Variants in UNC13A observed in about 807,000 individuals in gnomAD.
UNC13A encodes unc-13 homolog A, also known as protein unc-13 homolog A.
UNC13A carries 61 observed loss-of-function variants against 219.7 expected under a neutral mutation model. The ratio of observed to expected loss-of-function variants is 0.28; its 90% CI spans 0.23 to 0.34. UNC13A has a LOEUF of 0.34. UNC13A is among the 10% of genes least tolerant of loss of function. The pLI is 1.00. For missense variants in UNC13A, 1,476 were observed against 2,270.3 expected, an observed-to-expected ratio of 0.65 and a Z score of 7.11; for synonymous variants, 920 against 884.6, an observed-to-expected ratio of 1.04 and a Z score of -0.71.
intron 6 of UNC13A, among the ~76,000 whole-genome samples, chr19:17,666,911 A>AG (rs1264189361): frequency 1.2e-4 from 4 of 32,178 alleles, no homozygotes; most frequent in East Asian, 6.7e-4. Context: ...AGAGAGAGAG[A>AG]AAGACAGAGA....
At position 17,656,188 on chromosome 19, in the gene UNC13A, C is replaced by G; in HGVS notation, c.978G>C (p.Glu326Asp). The change falls in exon 10 of 44, where the codon GAG (glutamate) becomes GAC (aspartate). Residue 326 changes from glutamate (E) to aspartate (D), a missense_variant. Physicochemically the swap from Glu to Asp is conservative, Grantham distance 45 (BLOSUM62 2). Around this residue, in one of 14 missense-constraint regions of UNC13A, gnomAD observed 351 missense variants for 342.6 expected, o/e 1.02. Coordinates refer to ENST00000519716, the MANE Select transcript of UNC13A (RefSeq NM_001080421.3). ...RWDQDEEELE[E>D]DLEDFLEEEE... is the part of the protein sequence containing the mutation. Reference sequence around the variant, plus strand: ...CCTCCTCCAGGAAGTCCTCCAGGTCCTCCTCCAGCTCTTCCTCATCCTGGT... The same window carrying G: ...CCTCCTCCAGGAAGTCCTCCAGGTCGTCCTCCAGCTCTTCCTCATCCTGGT... 1 of 1,552,184 alleles carries G rather than the reference C, an allele frequency of 6.4e-7. No homozygotes were observed. The highest frequency in any genetic ancestry group is 2.0e-5 in the Admixed American group (1 of 50,994).
intron 35 of UNC13A, 28 bp from the exon 36 acceptor site, chr19:17,623,575 TG>T: frequency 4.3e-6 from 1 of 232,610 alleles, no homozygotes; most frequent in Non-Finnish European, 7.4e-6. Context: ...GGCGGGGCGG[TG>T]GGGGAGGGGG....
At position 17,651,244 on chromosome 19, in the gene UNC13A, T is replaced by C. The variant is rs1241356522; in HGVS notation, c.1439+1387A>G. Among the ~76,000 whole-genome samples the C allele has an allele frequency of 6.0e-5, 5 of 83,982 alleles. No homozygotes were observed. The Admixed American group carries it at 6.1e-4, about 10-fold the overall frequency. 55.1% of individuals were successfully genotyped at this position (83,982 alleles called of 152,430 possible). ...TGAGCCACTGCACCCGGCCCACACA[T>C]AGCTAATTAAAAAAAAATTCTTTTG... On this transcript the variant is annotated intron_variant, in intron 12 of 43. Transcript: ENST00000519716.
At chr19:17,671,885 T>C (rs920530876) in intron 4 of UNC13A, among the ~76,000 whole-genome samples, 1 of 152,228 alleles carries the variant, frequency 6.6e-6, no homozygotes, top group African/African-American at 2.4e-5. Flanking sequence ...TGGTGTAAGC[T>C]TCCTGCTGCT....
At chr19:17,666,026 CTTGT>C (rs879759683) in intron 7 of UNC13A, among the ~76,000 whole-genome samples, 555 of 29,528 alleles carry the variant, frequency 0.019, 63 homozygotes, top group African/African-American at 0.024. Context: ...TTTCTTCCTT[CTTGT>C]CTTTCATCAA....
At chr19:17,617,584 T>C in intron 41 of UNC13A, 118 bp downstream of exon 41, 4 of 1,430,722 alleles carry the variant, frequency 2.8e-6, no homozygotes, top group African/African-American at 1.4e-5. Context: ...GGTGCAGAGA[T>C]GTCAATTCCG....
Position 17,640,582 on chromosome 19 carries a change from C to T in UNC13A, c.2716G>A (p.Ala906Thr). ...GAGGCGGTGGTGTGTGCGTAGTAGG[C>T]ATTGATGTTGGCGAGCAGGGTGCTC... is the stretch of plus-strand genomic sequence containing the variant. ...VMSTLLANINAYYAHTTASTN... is the reference protein window; with the variant it reads ...VMSTLLANINTYYAHTTASTN... The change falls in exon 22 of 44, where the codon GCC becomes ACC. Residue 906 changes from alanine (A) to threonine (T), a missense_variant. By Grantham distance (58) the Ala-to-Thr change is moderately conservative (BLOSUM62 0). Around this residue, in one of 14 missense-constraint regions of UNC13A, gnomAD observed 140 missense variants for 270.9 expected, o/e 0.52. Transcript: ENST00000519716. 6.4e-7 allele frequency: 1 copy of T among 1,573,450 alleles called. No homozygotes were observed. Among genetic ancestry groups the T allele is most frequent in the South Asian group, 1.2e-5 (1 of 85,390 alleles).
At chr19:17,629,094 C>T (rs2076814783) in intron 31 of UNC13A, 146 bp downstream of exon 31, 2 of 656,112 alleles carry the variant, frequency 3.0e-6, no homozygotes, top group Non-Finnish European at 5.2e-6. Flanking sequence ...TTCAAACAAG[C>T]ACCTCTAAAC....
At chr19:17,655,444 A>G in intron 10 of UNC13A, 62 bp from the exon 11 acceptor site, 12 of 1,320,898 alleles carry the variant, frequency 9.1e-6, no homozygotes, top group Non-Finnish European at 1.3e-5. Context: ...ACTTCCCTTG[A>G]CCCTCCAGCT....
chr19:17,633,456 A>G (rs1056558403), intron 26 of UNC13A, among the ~76,000 whole-genome samples: 1 of 151,972 alleles, frequency 6.6e-6, no homozygotes, highest in African/African-American at 2.4e-5. Flanking sequence ...TCATTTATCT[A>G]TTCCTCCATC....
rs1331927194 is a variant in UNC13A, at chr19:17,645,822, G to T, written c.2208C>A (p.Asp736Glu). The T allele has an allele frequency of 3.7e-6, 6 of 1,611,400 alleles. No homozygotes were observed. Among genetic ancestry groups the T allele is most frequent in the Non-Finnish European group, 5.1e-6 (6 of 1,178,842 alleles). ...CGTCCCAGACGCGCACCTTGATGCG[G>T]TCGGAGGAATTGTGACATTCACTGT... ...NFHFECHNSS[D>E]RIKVRVWDED... is the part of the protein sequence containing the mutation. The change falls in exon 19 of 44, where the codon GAC becomes GAA. Residue 736 changes from aspartate to glutamate, a missense_variant. Transcript: ENST00000519716.
At chr19:17,609,917 T>G (rs751357315) in intron 43 of UNC13A, 23 bp downstream of exon 43, 2 of 1,611,994 alleles carry the variant, frequency 1.2e-6, no homozygotes, top group Non-Finnish European at 1.7e-6. Context: ...GCCCCCATGC[T>G]CTTCAAAGCA....
chr19:17,659,855 G>C (rs2079521915), intron 8 of UNC13A, among the ~76,000 whole-genome samples: 1 of 152,164 alleles, frequency 6.6e-6, no homozygotes, highest in African/African-American at 2.4e-5. Context: ...AAAACCCCCA[G>C]ACCCCAAAAT....
rs1172433080 is a variant in UNC13A at position 17,648,447 on chromosome 19, G to A, written c.1800C>T (p.Asn600=). Residue 600 remains asparagine, a synonymous_variant, in exon 16 of 44, where the codon AAC becomes AAT. Transcript: ENST00000519716. ...KCHEKCQDLL[N]ADCLQRAAEK... ...TGCGCTCACGCTGCAGGCAGTCGGC[G>A]TTGAGCAGGTCCTGGCACTTCTCGT... 4 of 1,603,268 alleles carry A rather than the reference G, an allele frequency of 2.5e-6. No individual in the cohort carries two copies. The highest frequency in any genetic ancestry group is 3.4e-6 in the Non-Finnish European group (4 of 1,177,950).
At chr19:17,670,575 A>G (rs564142692) in intron 4 of UNC13A, among the ~76,000 whole-genome samples, 2 of 152,028 alleles carry the variant, frequency 1.3e-5, no homozygotes, top group African/African-American at 4.8e-5. Context: ...GATTGTTGCA[A>G]CCATTTCGTC....
chr19:17,603,096 A>C lies in UNC13A; in HGVS notation c.*2958T>G, dbSNP rs901141853. The C allele has an allele frequency of 1.3e-5, 2 of 152,198 alleles. No homozygotes were observed. The highest frequency in any genetic ancestry group is 4.8e-5 in the African/African-American group (2 of 41,444). The allele number at this position is 152,198 out of a possible 1,614,324, so 9.4% of individuals were successfully genotyped here. Reference sequence around the variant, plus strand: ...GGACGAATAGGAGTTCTCTGGGGGAAAGAAAAGAGGGTGGAAATTGCAAAA... The same window carrying C: ...GGACGAATAGGAGTTCTCTGGGGGACAGAAAAGAGGGTGGAAATTGCAAAA... On this transcript the variant is annotated 3_prime_UTR_variant, in exon 44 of 44. Coordinates refer to ENST00000519716, the MANE Select transcript of UNC13A (RefSeq NM_001080421.3).
chr19:17,649,366 T>C lies in UNC13A; in HGVS notation c.1519-22A>G, dbSNP rs759013727. 5.6e-6 allele frequency: 9 copies of C among 1,605,346 alleles called. No individual in the cohort carries two copies. Among genetic ancestry groups the C allele is most frequent in the Admixed American group, 5.1e-5 (3 of 58,790 alleles). ...TGGCCTGAAGTGTCCACGCAGCACA[T>C]GGGGGTAGAAATCAGACTACATTAG... On this transcript the variant is annotated intron_variant, in intron 13 of 43. Coordinates refer to ENST00000519716, the MANE Select transcript of UNC13A (RefSeq NM_001080421.3). The surrounding 1 kb of genome is among the most constrained non-coding windows in gnomAD (Gnocchi z 4.4).
intron 29 of UNC13A, among the ~76,000 whole-genome samples, 159 bp from the exon 30 acceptor site, chr19:17,630,447 C>T (rs573765119): frequency 5.3e-5 from 8 of 152,196 alleles, no homozygotes; most frequent in Non-Finnish European, 7.4e-5. Flanking sequence ...TAGAGGTGGA[C>T]GCAGAAGCCA....
Position 17,636,294 on chromosome 19 carries a change from A to G in UNC13A, c.3082-137T>C. The G allele has an allele frequency of 2.7e-6, 3 of 1,112,220 alleles. No homozygotes were observed. The East Asian group carries it at 7.9e-5, about 29-fold the overall frequency. 68.9% of individuals were successfully genotyped at this position (1,112,220 alleles called of 1,614,324 possible). A position where few individuals can be genotyped will look rare whatever the true frequency, so the allele number is the denominator to read the frequency against. ...TATGGTTCAGGTAAGAAATCTATAT[A>G]GAGAGGAATTGAACTCATAAACTGG... On this transcript the variant is annotated intron_variant, in intron 25 of 43. Transcript: ENST00000519716.
Sources: gnomAD v4.1 joint callset for allele counts (sites outside exome capture counted in the v4.1 genomes callset) on GRCh38, gnomAD v4.1.1 for gene constraint, gnomAD v4.1.1 regional missense constraint, Gnocchi (gnomAD v3.1) non-coding constraint, MANE v1.5 for transcripts, NCBI Gene and HGNC (gene_info 2026-07-23, HGNC 2026-07-21) for gene names.